KYAT1: variants seen among roughly 807,000 people sequenced by gnomAD.
The protein encoded by KYAT1 is kynurenine aminotransferase 1.
A neutral mutation model predicts 52.4 loss-of-function variants in KYAT1; 47 were observed. That is an observed-to-expected ratio of 0.90 (90% CI 0.71 to 1.14). The LOEUF (loss-of-function observed/expected upper bound fraction) is 1.14. KYAT1 is among the 50% of genes most tolerant of loss of function. The pLI is 0.00. For synonymous variants in KYAT1, 212 were observed against 209.6 expected (o/e 1.01, Z -0.10); for missense variants, 480 against 557.9 (o/e 0.86, Z 1.41).
At chr9:128,838,423 C>A in intron 3 of KYAT1, 56 bp from the exon 4 acceptor site, 1 of 1,605,046 alleles carries the variant, frequency 6.2e-7, no homozygotes, top group Non-Finnish European at 8.5e-7. Flanking sequence ...TCCTCCGGCC[C>A]AGCTGTATCC....
In KYAT1 at chr9:128,833,553, G is replaced by A. The variant is rs757694289; in HGVS notation, c.*31C>T. On this transcript the variant is annotated 3_prime_UTR_variant, in exon 13 of 13. Transcript: ENST00000302586. ...CAAAGAGGATCTCTGCGGGCATGTG[G>A]GGATGTCAGGGCCAAGGCGTGACTT... 6.2e-7 allele frequency: 1 copy of A among 1,604,696 alleles called. No homozygotes were observed. The highest frequency in any genetic ancestry group is 1.7e-5 in the Admixed American group (1 of 60,006).
At chr9:128,880,497 A>G (rs1055388977) in intron 1 of KYAT1, among the ~76,000 whole-genome samples, 1 of 151,102 alleles carries the variant, frequency 6.6e-6, no homozygotes, top group Non-Finnish European at 1.5e-5. Context: ...GCTGAAGTGC[A>G]GTGGCCCAAT....
At chr9:128,865,331 A>T (rs1196058297) in intron 1 of KYAT1, among the ~76,000 whole-genome samples, 3 of 1,918 alleles carry the variant, frequency 1.6e-3, no homozygotes, top group Non-Finnish European at 2.2e-3. Flanking sequence ...ATATATATAT[A>T]TATATATATA....
At chr9:128,879,371 C>G (rs565364411) in intron 1 of KYAT1, among the ~76,000 whole-genome samples, 3 of 152,084 alleles carry the variant, frequency 2.0e-5, no homozygotes, top group Non-Finnish European at 4.4e-5. Flanking sequence ...GGATGTGGCC[C>G]CAGGTCTGTT....
At chr9:128,846,978 G>T (rs1833202284) in intron 1 of KYAT1, 1 of 901,252 alleles carries the variant, frequency 1.1e-6, no homozygotes, top group Non-Finnish European at 1.6e-6. Flanking sequence ...GGACACTGAG[G>T]CTTGAAGAGG....
intron 1 of KYAT1, 103 bp from the exon 2 acceptor site, chr9:128,845,514 C>T: frequency 9.4e-7 from 1 of 1,064,776 alleles, no homozygotes; most frequent in Non-Finnish European, 1.4e-6. Context: ...CAGCGCCATC[C>T]TGTCTGCTCC....
At chr9:128,871,088 G>T (rs778060842) in intron 1 of KYAT1, among the ~76,000 whole-genome samples, 1 of 152,086 alleles carries the variant, frequency 6.6e-6, no homozygotes, top group African/African-American at 2.4e-5. Context: ...AGGCAAAGGC[G>T]GGTAGATTGC....
At chr9:128,860,749 G>T (rs548306366) in intron 1 of KYAT1, among the ~76,000 whole-genome samples, 2 of 152,176 alleles carry the variant, frequency 1.3e-5, no homozygotes, top group South Asian at 4.1e-4. Flanking sequence ...TTTTAGTAGA[G>T]ATGGGGTTTC....
chr9:128,835,298 G>T, intron 11 of KYAT1, 25 bp downstream of exon 11: 1 of 1,598,882 alleles, frequency 6.3e-7, no homozygotes, highest in Non-Finnish European at 8.6e-7. Flanking sequence ...ACCATACATG[G>T]CTGCCTGGCA....
At chr9:128,837,900 T>C in intron 5 of KYAT1, 87 bp from the exon 6 acceptor site, 1 of 1,539,220 alleles carries the variant, frequency 6.5e-7, no homozygotes, top group Non-Finnish European at 9.0e-7. Context: ...TTCTCTCCCC[T>C]GGGATCCCAA....
chr9:128,842,723 G>A lies in KYAT1; in HGVS notation c.132C>T (p.Asp44=), dbSNP rs1185354821. The A allele has an allele frequency of 6.2e-7, 1 of 1,614,240 alleles. No individual in the cohort carries two copies. The highest frequency in any genetic ancestry group is 8.5e-7 in the Non-Finnish European group (1 of 1,180,040). The change falls in exon 3 of 13, where the codon GAC becomes GAT. Residue 44 remains aspartate, a synonymous_variant. Coordinates refer to ENST00000302586, the MANE Select transcript of KYAT1 (RefSeq NM_004059.5). ...CGTGCTGAAAGGCTTCCACGGCAAA[G>A]TCTGGTGGTGGGAAATCCGGGAAGC... is the stretch of plus-strand genomic sequence containing the variant. ...GQGFPDFPPP[D]FAVEAFQHAV...
chr9:128,878,102 T>C (rs1365384605), intron 1 of KYAT1, among the ~76,000 whole-genome samples: 1 of 152,098 alleles, frequency 6.6e-6, no homozygotes, highest in African/African-American at 2.4e-5. Context: ...CTGTGGGTCC[T>C]GGCTCACAGC....
chr9:128,847,737 G>A (rs556676061), intron 1 of KYAT1: 88 of 509,596 alleles, frequency 1.7e-4, no homozygotes, highest in African/African-American at 8.9e-4. Flanking sequence ...ATGATTATCC[G>A]ACTCCGTCCT....
At chr9:128,846,598 A>T in intron 1 of KYAT1, 2 of 825,854 alleles carry the variant, frequency 2.4e-6, no homozygotes, top group Non-Finnish European at 3.4e-6. Flanking sequence ...GCAAGACTCT[A>T]CCAAAAAAAA....
At chr9:128,833,886 G>T in intron 11 of KYAT1, 60 bp from the exon 12 acceptor site, 2 of 1,408,052 alleles carry the variant, frequency 1.4e-6, no homozygotes, top group East Asian at 2.3e-5. Context: ...CCTTGGCTCC[G>T]GAGGGGACAG....
intron 1 of KYAT1, among the ~76,000 whole-genome samples, chr9:128,854,935 G>A (rs528706938): frequency 6.6e-6 from 1 of 152,176 alleles, no homozygotes; most frequent in Non-Finnish European, 1.5e-5. Context: ...TTGGTTGGTA[G>A]AAGTATCTAC....
chr9:128,859,255 G>A (rs766039740), intron 1 of KYAT1, among the ~76,000 whole-genome samples: 4 of 151,968 alleles, frequency 2.6e-5, no homozygotes, highest in Admixed American at 2.0e-4. Flanking sequence ...CAGCTACTCG[G>A]GAGGCTGAGG....
At chr9:128,857,611 C>A (rs934766906) in intron 1 of KYAT1, among the ~76,000 whole-genome samples, 7 of 151,922 alleles carry the variant, frequency 4.6e-5, no homozygotes, top group African/African-American at 1.7e-4. Context: ...CCAGGGCAGG[C>A]GGATCATAAG....
At chr9:128,879,126 C>A (rs1454503232) in intron 1 of KYAT1, among the ~76,000 whole-genome samples, 1 of 152,106 alleles carries the variant, frequency 6.6e-6, no homozygotes, top group African/African-American at 2.4e-5. Context: ...CTGGCTAACA[C>A]GGTGAAACCC....
Sources: gnomAD v4.1 joint callset for allele counts (sites outside exome capture counted in the v4.1 genomes callset) on GRCh38, gnomAD v4.1.1 for gene constraint, MANE v1.5 for transcripts, NCBI Gene and HGNC (gene_info 2026-07-23, HGNC 2026-07-21) for gene names.